HBS1L: variants seen among roughly 807,000 people sequenced by gnomAD.
HBS1L encodes the protein HBS1 like translational GTPase, also known as HBS1-like protein.
HBS1L carries 55 observed loss-of-function variants against 88.9 expected under a neutral mutation model. That is an observed-to-expected ratio of 0.62 (90% CI 0.50 to 0.77). The LOEUF is 0.77. Ranked by LOEUF, HBS1L falls within the 30% of genes least tolerant of loss-of-function variation. The pLI is 0.00. For missense variants in HBS1L, 741 were observed against 829.3 expected, an observed-to-expected ratio of 0.89 and a Z score of 1.31; for synonymous variants, 267 against 288.5, an observed-to-expected ratio of 0.93 and a Z score of 0.76.
chr6:134,986,287 C>G (rs910900365), intron 10 of HBS1L, 104 bp from the exon 11 acceptor site: 8 of 663,770 alleles, frequency 1.2e-5, no homozygotes, highest in Admixed American at 8.9e-5. Context: ...CAACAATGTA[C>G]TTTTTAAAAC....
At chr6:135,039,500 C>A in intron 4 of HBS1L, 73 bp downstream of exon 4, 2 of 1,215,970 alleles carry the variant, frequency 1.6e-6, no homozygotes, top group South Asian at 1.4e-5. Context: ...TTCTTAAAAG[C>A]TCAAGCAAAC....
At chr6:134,968,102 C>T (rs1001067971) in intron 16 of HBS1L, among the ~76,000 whole-genome samples, 1 of 152,076 alleles carries the variant, frequency 6.6e-6, no homozygotes, top group African/African-American at 2.4e-5. Context: ...GCCTCTTCTG[C>T]AGGTGTAAAA....
intron 4 of HBS1L, among the ~76,000 whole-genome samples, chr6:135,004,235 C>T (rs1471796469): frequency 6.7e-6 from 1 of 148,854 alleles, no homozygotes; most frequent in East Asian, 2.0e-4. Flanking sequence ...CGATTACATC[C>T]TAGCGGGGAA....
Position 134,963,243 on chromosome 6 carries a change from G to A in HBS1L, c.*2036C>T, listed in dbSNP as rs544558329. ...ATATTAACTTCACACTCAAACACAG[G>A]ATATCCTAGGGAAGTATTAATAAAT... On this transcript the variant is annotated 3_prime_UTR_variant, in exon 18 of 18. Transcript: ENST00000367837. The A allele has an allele frequency of 6.6e-6, 1 of 152,168 alleles. No homozygotes were observed. The highest frequency in any genetic ancestry group is 1.9e-4 in the East Asian group (1 of 5,176). 9.4% of individuals were successfully genotyped at this position (152,168 alleles called of 1,614,324 possible).
chr6:135,004,617 A>C (rs1775558962), intron 4 of HBS1L, among the ~76,000 whole-genome samples: 1 of 152,032 alleles, frequency 6.6e-6, no homozygotes, highest in Admixed American at 6.6e-5. Context: ...CGGAGGCGGA[A>C]GTTACCAAAA....
chr6:134,969,953 TAATA>T (rs1159474770), intron 15 of HBS1L, among the ~76,000 whole-genome samples: 1 of 152,176 alleles, frequency 6.6e-6, no homozygotes, highest in Non-Finnish European at 1.5e-5. Context: ...TAAAATATTA[TAATA>T]AATATAGAGG....
intron 4 of HBS1L, among the ~76,000 whole-genome samples, chr6:135,003,437 T>C (rs1240842649): frequency 6.6e-6 from 1 of 152,030 alleles, no homozygotes; most frequent in African/African-American, 2.4e-5. Context: ...CATGGTGACA[T>C]GTGCCTATAG....
chr6:135,012,329 C>T (rs115154227), intron 4 of HBS1L, among the ~76,000 whole-genome samples: 2,320 of 152,076 alleles, frequency 0.015, 24 homozygotes, highest in Non-Finnish European at 0.021. Context: ...ACTATGCAAC[C>T]GGCATTAAAA....
intron 4 of HBS1L, among the ~76,000 whole-genome samples, chr6:135,027,589 A>G (rs1776270980): frequency 6.6e-6 from 1 of 152,216 alleles, no homozygotes; most frequent in African/African-American, 2.4e-5. Flanking sequence ...GATGAATATC[A>G]ACTTTAAAAT....
intron 4 of HBS1L, among the ~76,000 whole-genome samples, chr6:135,018,537 T>C (rs1775985510): frequency 6.6e-6 from 1 of 152,016 alleles, no homozygotes; most frequent in African/African-American, 2.4e-5. Flanking sequence ...GTTGAGGTAG[T>C]ATATGCAAAA....
chr6:134,975,792 T>A (rs747527467), intron 15 of HBS1L, among the ~76,000 whole-genome samples: 1 of 152,136 alleles, frequency 6.6e-6, no homozygotes, highest in Non-Finnish European at 1.5e-5. Context: ...ATCTAGGAAC[T>A]GAAACCATGG....
In HBS1L at chr6:135,054,783, C is replaced by T; in HGVS notation, c.-92G>A. The T allele has an allele frequency of 4.8e-6, 7 of 1,473,582 alleles. No individual in the cohort carries two copies. The highest frequency in any genetic ancestry group is 6.6e-6 in the Non-Finnish European group (7 of 1,068,520). 91.3% of individuals were successfully genotyped at this position (1,473,582 alleles called of 1,614,324 possible). On this transcript the variant is annotated 5_prime_UTR_variant, in exon 1 of 18. Transcript: ENST00000367837. Reference sequence around the variant, plus strand: ...AAGGCGCCAACTGCAGCCTGGAGAACCCCTATGCGCCATCTTGGCTTCCCG... The same window carrying T: ...AAGGCGCCAACTGCAGCCTGGAGAATCCCTATGCGCCATCTTGGCTTCCCG...
intron 13 of HBS1L, 84 bp from the exon 14 acceptor site, chr6:134,979,352 C>T (rs1312382692): frequency 2.2e-6 from 2 of 907,900 alleles, no homozygotes; most frequent in Non-Finnish European, 3.6e-6. Context: ...CTGATTTGTG[C>T]TTCATCAGTC....
At chr6:135,031,082 G>GC (rs1197317191) in intron 4 of HBS1L, among the ~76,000 whole-genome samples, 1 of 151,968 alleles carries the variant, frequency 6.6e-6, no homozygotes, top group Non-Finnish European at 1.5e-5. Context: ...TTTTAAAATG[G>GC]CCTGTAAGTG....
chr6:135,048,347 C>CAGCAG (rs1776976244), intron 2 of HBS1L, among the ~76,000 whole-genome samples: 1 of 152,202 alleles, frequency 6.6e-6, no homozygotes, highest in Non-Finnish European at 1.5e-5. Context: ...CACGACCAGC[C>CAGCAG]AGTAGGTTGG....
At chr6:134,967,174 G>A (rs992476743) in intron 16 of HBS1L, among the ~76,000 whole-genome samples, 1 of 152,220 alleles carries the variant, frequency 6.6e-6, no homozygotes, top group Non-Finnish European at 1.5e-5. Flanking sequence ...GCTAGGCCCT[G>A]CTCAGACTTA....
chr6:135,035,658 G>C (rs1776515614), intron 4 of HBS1L, among the ~76,000 whole-genome samples: 1 of 150,044 alleles, frequency 6.7e-6, no homozygotes, highest in Non-Finnish European at 1.5e-5. Flanking sequence ...GGCTGAGGCA[G>C]GAGAATGGCG....
At chr6:135,050,501 G>T in intron 2 of HBS1L, 81 bp downstream of exon 2, 1 of 828,154 alleles carries the variant, frequency 1.2e-6, no homozygotes, top group South Asian at 1.6e-5. Context: ...CAGTCTCACA[G>T]AACACTCCAG....
chr6:134,968,460 G>A (rs983157945), intron 16 of HBS1L, among the ~76,000 whole-genome samples: 2 of 152,122 alleles, frequency 1.3e-5, no homozygotes, highest in East Asian at 3.9e-4. Context: ...TGTTGGCCAA[G>A]CTGGTCTCAA....
Sources: gnomAD v4.1 joint callset for allele counts (sites outside exome capture counted in the v4.1 genomes callset) on GRCh38, gnomAD v4.1.1 for gene constraint, MANE v1.5 for transcripts, NCBI Gene and HGNC (gene_info 2026-07-23, HGNC 2026-07-21) for gene names.